SLIT3: variants seen among roughly 807,000 people sequenced by gnomAD.
SLIT3 encodes slit guidance ligand 3, also known as slit homolog 3 protein.
A neutral mutation model predicts 184.0 loss-of-function variants in SLIT3; 68 were observed. The observed-to-expected ratio is 0.37, with a 90% CI of 0.30 to 0.45. The LOEUF is 0.45. Among genes scored for constraint, SLIT3 ranks in the 20% least tolerant of loss-of-function variants. SLIT3 has a pLI of 1.00. For missense variants in SLIT3, 1,707 were observed against 2,026.0 expected, an observed-to-expected ratio of 0.84 and a Z score of 3.02; for synonymous variants, 831 against 828.6, an observed-to-expected ratio of 1.00 and a Z score of -0.05.
chr5:168,749,857 C>T (rs577885433), intron 18 of SLIT3, among the ~76,000 whole-genome samples: 11 of 152,292 alleles, frequency 7.2e-5, no homozygotes, highest in Admixed American at 4.6e-4. Flanking sequence ...GGGTACCAAG[C>T]CCTGGCTGTG....
chr5:168,887,886 C>G (rs778383190), intron 4 of SLIT3, among the ~76,000 whole-genome samples: 1 of 152,160 alleles, frequency 6.6e-6, no homozygotes, highest in East Asian at 1.9e-4. Context: ...AGGACATATG[C>G]CTTCAACTCT....
intron 12 of SLIT3, among the ~76,000 whole-genome samples, chr5:168,778,386 A>G (rs112994313): frequency 0.023 from 3,517 of 152,126 alleles, 155 homozygotes; most frequent in African/African-American, 0.08. Context: ...TCTCTTTTCC[A>G]TTTTCCCTAT....
intron 1 of SLIT3, among the ~76,000 whole-genome samples, chr5:169,255,194 C>A (rs1765908583): frequency 6.6e-6 from 1 of 152,158 alleles, no homozygotes; most frequent in Middle Eastern, 3.2e-3. Context: ...ATTTACTATG[C>A]CATACTGTTA....
intron 28 of SLIT3, among the ~76,000 whole-genome samples, chr5:168,694,177 A>ACCAC (rs1480247492): frequency 6.6e-6 from 1 of 151,926 alleles, no homozygotes; most frequent in Non-Finnish European, 1.5e-5. Context: ...GCGGCAGGAA[A>ACCAC]CCACTTCATC....
At chr5:168,828,666 A>AAAAAAAG (rs1454648453) in intron 6 of SLIT3, among the ~76,000 whole-genome samples, 2 of 150,318 alleles carry the variant, frequency 1.3e-5, no homozygotes, top group Admixed American at 6.6e-5. Context: ...CTCAAAAAAA[A>AAAAAAAG]AAAAGAAAAA....
At chr5:168,812,325 A>G (rs1757184980) in intron 8 of SLIT3, among the ~76,000 whole-genome samples, 1 of 152,186 alleles carries the variant, frequency 6.6e-6, no homozygotes, top group African/African-American at 2.4e-5. Context: ...ATTGTGTTGC[A>G]TATTTCAAAA....
chr5:168,789,518 C>T (rs1581084543), intron 11 of SLIT3, 42 bp downstream of exon 11: 10 of 1,516,904 alleles, frequency 6.6e-6, no homozygotes, highest in Non-Finnish European at 9.1e-6. Context: ...CTCCAGCGCC[C>T]CCCCTCCCCT....
intron 23 of SLIT3, among the ~76,000 whole-genome samples, chr5:168,714,192 A>G (rs1282980334): frequency 6.6e-6 from 1 of 152,206 alleles, no homozygotes; most frequent in African/African-American, 2.4e-5. Flanking sequence ...CACTTTTATC[A>G]GCATCATTTA....
chr5:168,692,396 A>C (rs1429880881), intron 29 of SLIT3, among the ~76,000 whole-genome samples: 3 of 152,120 alleles, frequency 2.0e-5, no homozygotes, highest in Non-Finnish European at 4.4e-5. Flanking sequence ...CTACCTGTCT[A>C]TCTACAGAGA....
intron 9 of SLIT3, among the ~76,000 whole-genome samples, chr5:168,796,071 C>T (rs1319411001): frequency 1.3e-5 from 2 of 152,186 alleles, no homozygotes; most frequent in African/African-American, 4.8e-5. Context: ...TGAGCTTTTC[C>T]ATGGGCTGTT....
intron 4 of SLIT3, among the ~76,000 whole-genome samples, chr5:169,186,385 T>C (rs567917528): frequency 6.6e-6 from 1 of 152,174 alleles, no homozygotes; most frequent in South Asian, 2.1e-4. Flanking sequence ...CCAGCCAGCA[T>C]CTTGATCTTG....
intron 5 of SLIT3, among the ~76,000 whole-genome samples, chr5:168,855,266 G>C (rs915184321): frequency 6.6e-6 from 1 of 152,220 alleles, no homozygotes; most frequent in Admixed American, 6.5e-5. Flanking sequence ...CTACATAGCT[G>C]GAGGGAATGT....
At chr5:169,261,912 G>A (rs1171791534) in intron 1 of SLIT3, among the ~76,000 whole-genome samples, 4 of 152,190 alleles carry the variant, frequency 2.6e-5, no homozygotes, top group African/African-American at 9.7e-5. Context: ...ATGTTTGGGA[G>A]GCCCACATGC....
chr5:169,141,472 G>A (rs538855493), intron 4 of SLIT3, among the ~76,000 whole-genome samples: 2 of 151,892 alleles, frequency 1.3e-5, no homozygotes, highest in East Asian at 1.9e-4. Flanking sequence ...GGGTGTGGTG[G>A]CTCATGCCTG....
At chr5:168,710,847 G>T in intron 25 of SLIT3, 48 bp downstream of exon 25, 2 of 1,423,480 alleles carry the variant, frequency 1.4e-6, no homozygotes, top group Non-Finnish European at 1.9e-6. Flanking sequence ...TGGGAACACA[G>T]CAGACCCCAA....
At position 168,708,013 on chromosome 5, in the gene SLIT3, A is replaced by G. The variant is rs1373802827; in HGVS notation, c.2807T>C (p.Val936Ala). 1.2e-6 allele frequency: 2 copies of G among 1,614,172 alleles called. No individual in the cohort carries two copies. Among genetic ancestry groups the G allele is most frequent in the Admixed American group, 3.3e-5 (2 of 60,024 alleles). The change falls in exon 26 of 36, where the codon GTG (valine) becomes GCG (alanine). Residue 936 changes from valine to alanine, a missense_variant. Coordinates refer to ENST00000519560, the MANE Select transcript of SLIT3 (RefSeq NM_003062.4). ...GGGGCAGGCACAGCGGTACAGCTCC[A>G]CAGGGTCCTGGGTGCATGTCCCGTT... is the stretch of plus-strand genomic sequence containing the variant. ...KNNGTCTQDPVELYRCACPYS... is the reference protein window; with the variant it reads ...KNNGTCTQDPAELYRCACPYS...
intron 13 of SLIT3, among the ~76,000 whole-genome samples, chr5:168,773,596 T>C (rs72827639): frequency 0.12 from 18,276 of 151,834 alleles, 1,174 homozygotes; most frequent in South Asian, 0.14. Flanking sequence ...CCGAGGCTAA[T>C]TGCAGACCTG....
chr5:169,227,038 T>C (rs1764838090), intron 3 of SLIT3, among the ~76,000 whole-genome samples: 2 of 152,090 alleles, frequency 1.3e-5, no homozygotes, highest in African/African-American at 4.8e-5. Context: ...GGGAACCCAC[T>C]AACATGGAAA....
At chr5:168,763,695 C>A (rs1032149941) in intron 14 of SLIT3, among the ~76,000 whole-genome samples, 1 of 152,182 alleles carries the variant, frequency 6.6e-6, no homozygotes, top group Admixed American at 6.5e-5. Flanking sequence ...TCTGTGAGAC[C>A]TTGAATCATG....
Sources: gnomAD v4.1 joint callset for allele counts (sites outside exome capture counted in the v4.1 genomes callset) on GRCh38, gnomAD v4.1.1 for gene constraint, MANE v1.5 for transcripts, NCBI Gene and HGNC (gene_info 2026-07-23, HGNC 2026-07-21) for gene names.